Variants in DLGAP2 observed in about 807,000 individuals in gnomAD.
DLGAP2 encodes disks large-associated protein 2.
Under a neutral mutation model 100.3 loss-of-function variants are expected in DLGAP2, and 26 were observed. The ratio of observed to expected loss-of-function variants is 0.26; its 90% CI spans 0.19 to 0.36. DLGAP2 has a LOEUF of 0.36. Among genes scored for constraint, DLGAP2 ranks in the 10% least tolerant of loss-of-function variants. DLGAP2 has a pLI of 1.00. For missense variants in DLGAP2, 1,858 were observed against 1,453.2 expected (o/e 1.28, Z -4.53); for synonymous variants, 886 against 630.1 (o/e 1.41, Z -6.08).
chr8:1,252,511 A>G (rs1011533160), intron 2 of DLGAP2, among the ~76,000 whole-genome samples: 2 of 151,718 alleles, frequency 1.3e-5, no homozygotes, highest in African/African-American at 4.8e-5. Context: ...CGTCATCACC[A>G]TGTTACACGG....
At chr8:987,315 C>T (rs1274360741) in intron 2 of DLGAP2, among the ~76,000 whole-genome samples, 2 of 152,122 alleles carry the variant, frequency 1.3e-5, no homozygotes, top group East Asian at 1.9e-4. Context: ...TCCACGGGTC[C>T]TGCTGGGATT....
chr8:1,572,396 G>C (rs1328443798), intron 6 of DLGAP2, among the ~76,000 whole-genome samples: 2 of 121,514 alleles, frequency 1.6e-5, no homozygotes, highest in Non-Finnish European at 3.5e-5. Flanking sequence ...GAGATGGAGA[G>C]GAGAGAGGGG....
intron 1 of DLGAP2, among the ~76,000 whole-genome samples, chr8:784,908 A>G (rs1348382027): frequency 1.3e-5 from 2 of 152,106 alleles, no homozygotes; most frequent in East Asian, 1.9e-4. Flanking sequence ...TACAGCCACT[A>G]AAAAAAGGGC....
intron 3 of DLGAP2, among the ~76,000 whole-genome samples, chr8:1,367,581 AC>A (rs1802136726): frequency 6.6e-6 from 1 of 152,236 alleles, no homozygotes; most frequent in Non-Finnish European, 1.5e-5. Context: ...AGCTGCTTTC[AC>A]CATTCTAAAA....
At chr8:1,164,528 C>A (rs527453712) in intron 2 of DLGAP2, among the ~76,000 whole-genome samples, 2 of 152,084 alleles carry the variant, frequency 1.3e-5, no homozygotes, top group Non-Finnish European at 2.9e-5. Context: ...TGGGAACTTT[C>A]CTCCCTTCCC....
intron 2 of DLGAP2, among the ~76,000 whole-genome samples, chr8:1,158,333 T>C (rs1416820633): frequency 6.6e-6 from 1 of 152,242 alleles, no homozygotes; most frequent in East Asian, 1.9e-4. Flanking sequence ...CTGTGTGTTA[T>C]ATGTGCATGT....
At chr8:1,053,759 C>T (rs1160894226) in intron 2 of DLGAP2, among the ~76,000 whole-genome samples, 1 of 152,140 alleles carries the variant, frequency 6.6e-6, no homozygotes, top group Non-Finnish European at 1.5e-5. Context: ...GGTTAGCAAG[C>T]AGCCAAAAAT....
intron 2 of DLGAP2, among the ~76,000 whole-genome samples, chr8:1,179,076 G>C (rs1485578957): frequency 6.6e-6 from 1 of 152,242 alleles, no homozygotes. Flanking sequence ...ACTTAAACAG[G>C]CTTTAAAAGA....
chr8:971,414 C>T lies in DLGAP2; in HGVS notation c.73+63448C>T, dbSNP rs539016403. Among the ~76,000 whole-genome samples the T allele has an allele frequency of 2.8e-4, 43 of 152,302 alleles. No individual in the cohort carries two copies. In the South Asian group the frequency reaches 3.5e-3, roughly 12 times the overall value. The stretch of plus-strand genomic sequence containing the variant: ...CTGGGTAAATTGAGGTCACAGGGCA[C>T]GTGTTCCTCCCCAAAATTGGAGCAA... On this transcript the variant is annotated intron_variant, in intron 2 of 14. Transcript: ENST00000637795.
In DLGAP2 at chr8:794,407, T is replaced by A. The variant is rs182066787; in HGVS notation, c.18+56582T>A. 1.8e-3 allele frequency among the ~76,000 whole-genome samples: 271 copies of A among 152,266 alleles called. 1 individual carries two copies. Among genetic ancestry groups the A allele is most frequent in the African/African-American group, 6.4e-3 (265 of 41,540 alleles). On this transcript the variant is annotated intron_variant, in intron 1 of 14. Coordinates refer to ENST00000637795, the MANE Select transcript of DLGAP2 (RefSeq NM_001346810.2). The stretch of plus-strand genomic sequence containing the variant: ...AGAGCTGAGAGCCCCAAACAGAGAT[T>A]TACCTGCATATTTATTAACAGCAAA...
chr8:1,056,371 C>G (rs1481241403), intron 2 of DLGAP2, among the ~76,000 whole-genome samples: 1 of 152,152 alleles, frequency 6.6e-6, no homozygotes, highest in Non-Finnish European at 1.5e-5. Context: ...TGTCCTCTGT[C>G]CTGGTTTACC....
intron 1 of DLGAP2, among the ~76,000 whole-genome samples, chr8:812,645 A>G (rs926800817): frequency 6.6e-6 from 1 of 152,224 alleles, no homozygotes; most frequent in African/African-American, 2.4e-5. Context: ...ATTATAAACT[A>G]ATCAAATAGA....
intron 10 of DLGAP2, among the ~76,000 whole-genome samples, chr8:1,671,406 G>A (rs962487907): frequency 1.3e-5 from 2 of 152,234 alleles, no homozygotes; most frequent in African/African-American, 4.8e-5. Context: ...AGGAGAATCT[G>A]TGTTCTGCGA....
At chr8:1,460,121 G>A (rs531457989) in intron 3 of DLGAP2, among the ~76,000 whole-genome samples, 49 of 152,342 alleles carry the variant, frequency 3.2e-4, no homozygotes, top group Middle Eastern at 3.4e-3. Context: ...GCCGGACTCG[G>A]TTCTGCGGCC....
chr8:1,477,122 G>C (rs1163088992), intron 3 of DLGAP2, among the ~76,000 whole-genome samples: 1 of 148,074 alleles, frequency 6.8e-6, no homozygotes, highest in Non-Finnish European at 1.5e-5. Flanking sequence ...TTTATCTCAA[G>C]AGGGCTTGAC....
At chr8:871,713 A>C (rs12548950) in intron 1 of DLGAP2, among the ~76,000 whole-genome samples, 16,307 of 151,986 alleles carry the variant, frequency 0.11, 1,063 homozygotes, top group East Asian at 0.3. Context: ...GAAAAAAAAA[A>C]CCAATTTGAA....
intron 1 of DLGAP2, among the ~76,000 whole-genome samples, chr8:789,001 G>A (rs540795148): frequency 1.3e-5 from 2 of 152,172 alleles, no homozygotes; most frequent in Admixed American, 6.5e-5. Context: ...TCTTCTGTGG[G>A]GAAGTGACTG....
intron 8 of DLGAP2, among the ~76,000 whole-genome samples, chr8:1,664,317 C>T (rs749872713): frequency 3.9e-5 from 6 of 152,136 alleles, no homozygotes; most frequent in Admixed American, 1.3e-4. Context: ...TCCGCTGGCC[C>T]GTCCTACTCC....
chr8:1,097,787 TC>T (rs1002879581), intron 2 of DLGAP2, among the ~76,000 whole-genome samples: 2 of 133,576 alleles, frequency 1.5e-5, no homozygotes, highest in African/African-American at 6.0e-5. Context: ...AGAGGACCCC[TC>T]CAGCGTGAGA....
Sources: gnomAD v4.1 joint callset for allele counts (sites outside exome capture counted in the v4.1 genomes callset) on GRCh38, gnomAD v4.1.1 for gene constraint, MANE v1.5 for transcripts, NCBI Gene and HGNC (gene_info 2026-07-23, HGNC 2026-07-21) for gene names.